Variants in WDR70 observed in about 807,000 individuals in gnomAD.
WDR70 encodes the protein WD repeat-containing protein 70.
In WDR70, 53 loss-of-function variants were observed where a neutral mutation model predicts 88.6. The ratio of observed to expected loss-of-function variants is 0.60; its 90% CI spans 0.48 to 0.75. WDR70 has a LOEUF of 0.75. Ranked by LOEUF, WDR70 falls within the 30% of genes least tolerant of loss-of-function variation. The probability of loss-of-function intolerance (pLI) is 0.00; values close to 1 mark genes in which losing one functional copy is unlikely to be tolerated. For synonymous variants in WDR70, 280 were observed against 270.0 expected, an observed-to-expected ratio of 1.04 and a Z score of -0.36; for missense variants, 610 against 823.2, an observed-to-expected ratio of 0.74 and a Z score of 3.17.
intron 5 of WDR70, among the ~76,000 whole-genome samples, chr5:37,408,433 C>T (rs1330770891): frequency 6.6e-6 from 1 of 152,100 alleles, no homozygotes; most frequent in Non-Finnish European, 1.5e-5. Flanking sequence ...GATATTGCAC[C>T]ACTGCACTCC....
At chr5:37,636,595 A>G (rs936422855) in intron 10 of WDR70, among the ~76,000 whole-genome samples, 3 of 152,236 alleles carry the variant, frequency 2.0e-5, no homozygotes. Flanking sequence ...GTAATAAGAC[A>G]TATTGACATC....
chr5:37,587,676 A>G (rs1382404522), intron 9 of WDR70, among the ~76,000 whole-genome samples: 1 of 152,154 alleles, frequency 6.6e-6, no homozygotes, highest in African/African-American at 2.4e-5. Context: ...GGTTTGTGGA[A>G]AGTATTTAAT....
intron 9 of WDR70, among the ~76,000 whole-genome samples, chr5:37,553,066 C>A (rs924249260): frequency 6.6e-6 from 1 of 152,134 alleles, no homozygotes. Flanking sequence ...GTCCTATTGT[C>A]AATTTCTGGA....
chr5:37,685,613 T>C (rs1361242835), intron 10 of WDR70, among the ~76,000 whole-genome samples: 2 of 152,070 alleles, frequency 1.3e-5, no homozygotes, highest in East Asian at 3.9e-4. Flanking sequence ...GCCAAAGTCT[T>C]CTACGGAAGC....
chr5:37,549,767 G>A (rs560744175), intron 9 of WDR70, among the ~76,000 whole-genome samples: 5 of 152,226 alleles, frequency 3.3e-5, no homozygotes, highest in Admixed American at 3.3e-4. Context: ...GATACTAGCT[G>A]TGGGTCTGTC....
At chr5:37,736,945 A>G (rs2910725) in intron 17 of WDR70, among the ~76,000 whole-genome samples, 109,329 of 152,000 alleles carry the variant, frequency 0.72, 44,473 homozygotes, top group East Asian at 0.93. Context: ...GATTATTTCA[A>G]TTATAGAAAT....
At position 37,506,995 on chromosome 5, in the gene WDR70, A is replaced by ACG. The variant is rs56349876; in HGVS notation, c.841-9518_841-9517insGC. 1.4e-5 allele frequency: 6 copies of ACG among 434,250 alleles called. No individual in the cohort carries two copies. The African/African-American group carries it at 1.5e-4, about 11-fold the overall frequency. The allele number at this position is 434,250 out of a possible 1,614,324, so 26.9% of individuals were successfully genotyped here. A position where few individuals can be genotyped will look rare whatever the true frequency, so the allele number is the denominator to read the frequency against. Reference sequence around the variant, plus strand: ...CTTTGCCACCTTCCTGCCCTTGGGGACACACACACACAGGCACTCTGTCCC... The same window carrying ACG: ...CTTTGCCACCTTCCTGCCCTTGGGGACGCACACACACACAGGCACTCTGTCCC... On this transcript the variant is annotated intron_variant, in intron 8 of 17. Transcript: ENST00000265107.
At chr5:37,528,313 G>A (rs775514272) in intron 9 of WDR70, among the ~76,000 whole-genome samples, 1 of 152,138 alleles carries the variant, frequency 6.6e-6, no homozygotes, top group South Asian at 2.1e-4. Context: ...AAAATGATGA[G>A]TTCATGTCCG....
At chr5:37,721,452 T>C (rs541848463) in intron 14 of WDR70, 19 of 548,022 alleles carry the variant, frequency 3.5e-5, no homozygotes, top group Admixed American at 6.1e-5. Flanking sequence ...TGCAGTTGTT[T>C]AGCTGAAATG....
chr5:37,644,786 A>G (rs1309656071), intron 10 of WDR70, among the ~76,000 whole-genome samples: 2 of 151,856 alleles, frequency 1.3e-5, no homozygotes, highest in African/African-American at 4.8e-5. Flanking sequence ...GCTGCTAATG[A>G]TCCTTTGAAT....
intron 8 of WDR70, among the ~76,000 whole-genome samples, chr5:37,489,536 G>T (rs920412500): frequency 5.9e-5 from 9 of 152,138 alleles, no homozygotes; most frequent in Non-Finnish European, 8.8e-5. Context: ...CCCCTAGGGG[G>T]TGTAGATAGA....
At chr5:37,480,650 G>A (rs149476416) in intron 8 of WDR70, among the ~76,000 whole-genome samples, 1,956 of 152,210 alleles carry the variant, frequency 0.013, 29 homozygotes, top group Non-Finnish European at 0.019. Context: ...ACCTGGCCCC[G>A]CCCTTGACAC....
At chr5:37,674,794 TGA>T (rs1434447443) in intron 10 of WDR70, among the ~76,000 whole-genome samples, 2 of 151,822 alleles carry the variant, frequency 1.3e-5, no homozygotes, top group African/African-American at 4.9e-5. Context: ...TCTAGATCCC[TGA>T]GGAATCGCCA....
intron 5 of WDR70, among the ~76,000 whole-genome samples, chr5:37,429,619 G>C (rs574598325): frequency 7.9e-5 from 12 of 152,048 alleles, no homozygotes; most frequent in African/African-American, 2.9e-4. Context: ...GATTATCTTG[G>C]CATTTTTCTT....
Position 37,605,228 on chromosome 5 carries a change from G to A in WDR70, c.1082G>A (p.Arg361Gln), listed in dbSNP as rs780702254. ...CQNGSIQIWD[R>Q]NLTVHPKFHY... ...AATGGAAGCATACAGATCTGGGACC[G>A]AAATTTGACTGTAAGTTAAATCTTT... The change falls in exon 10 of 18, where the codon CGA (arginine) becomes CAA (glutamine). Residue 361 changes from arginine (R) to glutamine (Q), a missense_variant. Coordinates refer to ENST00000265107, the MANE Select transcript of WDR70 (RefSeq NM_018034.4). 6.3e-6 allele frequency: 10 copies of A among 1,590,868 alleles called. No individual in the cohort carries two copies. The highest frequency in any genetic ancestry group is 2.3e-5 in the East Asian group (1 of 44,196).
At chr5:37,461,745 A>C (rs922733491) in intron 7 of WDR70, among the ~76,000 whole-genome samples, 27 of 152,106 alleles carry the variant, frequency 1.8e-4, no homozygotes, top group African/African-American at 6.0e-4. Flanking sequence ...GGCCTCCCAA[A>C]GTGCTGGGAT....
intron 10 of WDR70, among the ~76,000 whole-genome samples, chr5:37,624,529 G>T (rs867401216): frequency 9.2e-5 from 14 of 152,230 alleles, no homozygotes; most frequent in African/African-American, 2.6e-4. Context: ...TTGACACACT[G>T]ATTTTCTTTC....
At chr5:37,737,852 A>G (rs1748345272) in intron 17 of WDR70, among the ~76,000 whole-genome samples, 1 of 151,976 alleles carries the variant, frequency 6.6e-6, no homozygotes. Context: ...GGTCTCATGT[A>G]TGTTCTTTTT....
intron 5 of WDR70, among the ~76,000 whole-genome samples, chr5:37,409,024 C>T (rs6892829): frequency 2.6e-5 from 4 of 151,608 alleles, no homozygotes; most frequent in African/African-American, 9.7e-5. Flanking sequence ...CTGCAACCTC[C>T]GCCTCCTGGG....
Sources: allele counts gnomAD v4.1 joint callset (sites outside exome capture counted in the v4.1 genomes callset), GRCh38; gene constraint gnomAD v4.1.1; transcripts MANE v1.5; gene names NCBI Gene and HGNC (gene_info 2026-07-23, HGNC 2026-07-21).